Variants in AGPAT3 observed in about 807,000 individuals in gnomAD.
AGPAT3 encodes 1-acyl-sn-glycerol-3-phosphate acyltransferase gamma.
Under a neutral mutation model 47.3 loss-of-function variants are expected in AGPAT3, and 5 were observed. The observed-to-expected ratio is 0.11, with a 90% CI of 0.06 to 0.22. The LOEUF (loss-of-function observed/expected upper bound fraction) is 0.22. Among genes scored for constraint, AGPAT3 ranks in the 10% least tolerant of loss-of-function variants. The pLI is 1.00. For synonymous variants in AGPAT3, 212 were observed against 208.3 expected (o/e 1.02, Z -0.15); for missense variants, 315 against 493.0 (o/e 0.64, Z 3.42).
chr21:43,957,512 G>A (rs1187372657), intron 2 of AGPAT3, among the ~76,000 whole-genome samples: 2 of 139,846 alleles, frequency 1.4e-5, no homozygotes, highest in South Asian at 4.7e-4. Flanking sequence ...CACACGGGGG[G>A]TCTCGGGTTT....
At chr21:43,919,327 C>G (rs1187237085) in intron 2 of AGPAT3, among the ~76,000 whole-genome samples, 2 of 152,164 alleles carry the variant, frequency 1.3e-5, no homozygotes, top group Non-Finnish European at 2.9e-5. Context: ...CCCAATTTCC[C>G]TGTCCATTAT....
At chr21:43,884,437 C>T (rs150337530) in intron 1 of AGPAT3, among the ~76,000 whole-genome samples, 6 of 152,296 alleles carry the variant, frequency 3.9e-5, no homozygotes, top group African/African-American at 1.4e-4. Flanking sequence ...GGAGCATGGC[C>T]CTTTCCTAAT....
At chr21:43,917,795 T>TGTTGTGGGG (rs1472679998) in intron 2 of AGPAT3, among the ~76,000 whole-genome samples, 19 of 128,526 alleles carry the variant, frequency 1.5e-4, no homozygotes, top group African/African-American at 6.4e-4. Context: ...GTATTGTGGG[T>TGTTGTGGGG]ATTGTGGGGG....
intron 7 of AGPAT3, 82 bp from the exon 8 acceptor site, chr21:43,977,964 C>A: frequency 8.7e-7 from 1 of 1,148,032 alleles, no homozygotes; most frequent in Non-Finnish European, 1.3e-6. Flanking sequence ...CACCCTGGCA[C>A]ACGACATGTT....
rs572474972 is a variant in AGPAT3, at chr21:43,887,576, G to A, written c.-111-16381G>A. Among the ~76,000 whole-genome samples, 11 of 152,344 alleles carry A rather than the reference G, an allele frequency of 7.2e-5. 1 individual carries two copies. In the East Asian group the frequency reaches 9.6e-4, roughly 13 times the overall value. ...GCTCAGGTGGTTGAGGAATAAAAGC[G>A]TGCGCACACGCACACACACACACAC... On this transcript the variant is annotated intron_variant, in intron 1 of 9. Coordinates refer to ENST00000291572, the MANE Select transcript of AGPAT3 (RefSeq NM_020132.5).
intron 2 of AGPAT3, among the ~76,000 whole-genome samples, chr21:43,931,928 T>C (rs1157034487): frequency 1.5e-3 from 30 of 20,398 alleles, no homozygotes; most frequent in African/African-American, 2.7e-3. Flanking sequence ...ATCTCGTGTG[T>C]GTGTGTGTGT....
At chr21:43,902,391 T>C (rs1156786750) in intron 1 of AGPAT3, among the ~76,000 whole-genome samples, 1 of 152,222 alleles carries the variant, frequency 6.6e-6, no homozygotes, top group Admixed American at 6.5e-5. Context: ...GGGGAAAATA[T>C]GCGATATATA....
chr21:43,887,655 T>A (rs2086011099), intron 1 of AGPAT3, among the ~76,000 whole-genome samples: 1 of 152,200 alleles, frequency 6.6e-6, no homozygotes, highest in Admixed American at 6.5e-5. Flanking sequence ...ATACAGAGTT[T>A]ATTTATTTAT....
intron 2 of AGPAT3, among the ~76,000 whole-genome samples, chr21:43,949,813 A>G (rs773061730): frequency 4.6e-5 from 7 of 152,140 alleles, no homozygotes; most frequent in Non-Finnish European, 7.4e-5. Context: ...CTCTCCTTCA[A>G]GACACCTTCT....
At chr21:43,941,808 T>C (rs900145266) in intron 2 of AGPAT3, among the ~76,000 whole-genome samples, 1 of 152,248 alleles carries the variant, frequency 6.6e-6, no homozygotes, top group Non-Finnish European at 1.5e-5. Flanking sequence ...GGGTATCAAA[T>C]CATTTCCTGG....
chr21:43,930,237 C>T lies in AGPAT3; in HGVS notation c.-49+26218C>T, dbSNP rs2087194432. On this transcript the variant is annotated intron_variant, in intron 2 of 9. Coordinates refer to ENST00000291572, the MANE Select transcript of AGPAT3 (RefSeq NM_020132.5). The surrounding 1 kb of genome is among the most constrained non-coding windows in gnomAD (Gnocchi z 5.0). ...CCGGGGACACAGTTGTGGGAGGTCT[C>T]AGGGCAGAGACGCCGCACGGTGGGG... Among the ~76,000 whole-genome samples the T allele has an allele frequency of 1.3e-5, 2 of 152,174 alleles. No individual in the cohort carries two copies. The highest frequency in any genetic ancestry group is 4.8e-5 in the African/African-American group (2 of 41,432).
chr21:43,960,598 C>A, intron 3 of AGPAT3: 1 of 213,766 alleles, frequency 4.7e-6, no homozygotes, highest in Non-Finnish European at 8.0e-6. Context: ...CTCATTTTAT[C>A]ACAGGTATTC....
At chr21:43,874,736 G>A (rs2085696912) in intron 1 of AGPAT3, among the ~76,000 whole-genome samples, 1 of 152,104 alleles carries the variant, frequency 6.6e-6, no homozygotes, top group Admixed American at 6.6e-5. Flanking sequence ...GGTCTTTCTA[G>A]CATGGATTTC....
At chr21:43,953,232 A>G (rs944082240) in intron 2 of AGPAT3, among the ~76,000 whole-genome samples, 2 of 152,172 alleles carry the variant, frequency 1.3e-5, no homozygotes, top group Admixed American at 1.3e-4. Context: ...ATCCAAATGC[A>G]TGTGTGTCCT....
chr21:43,960,007 G>A, intron 3 of AGPAT3, 148 bp downstream of exon 3: 1 of 827,154 alleles, frequency 1.2e-6, no homozygotes, highest in East Asian at 2.7e-5. Context: ...CTGTCGGAAG[G>A]CACCTGGCTA....
At chr21:43,894,820 A>G (rs1754583719) in intron 1 of AGPAT3, among the ~76,000 whole-genome samples, 1 of 152,174 alleles carries the variant, frequency 6.6e-6, no homozygotes, top group African/African-American at 2.4e-5. Context: ...TTCCTATGAA[A>G]AGGCATCAGT....
intron 2 of AGPAT3, among the ~76,000 whole-genome samples, chr21:43,923,984 T>G (rs557672627): frequency 5.9e-5 from 9 of 152,142 alleles, no homozygotes; most frequent in Non-Finnish European, 1.2e-4. Context: ...GGAGTAACAG[T>G]AGATGCTCCC....
Position 43,919,391 on chromosome 21 carries a change from C to T in AGPAT3, c.-49+15372C>T, listed in dbSNP as rs947331191. Among the ~76,000 whole-genome samples the T allele has an allele frequency of 6.6e-5, 10 of 152,158 alleles. No homozygotes were observed. The East Asian group carries it at 1.2e-3, about 18-fold the overall frequency. On this transcript the variant is annotated intron_variant, in intron 2 of 9. Coordinates refer to ENST00000291572, the MANE Select transcript of AGPAT3 (RefSeq NM_020132.5). The stretch of plus-strand genomic sequence containing the variant: ...CTTAGCTCCCACTTATAAGTGAGAA[C>T]AGTTTTTGGTTTTCCGTTCCTGAGT...
At chr21:43,896,203 C>T (rs1165117360) in intron 1 of AGPAT3, among the ~76,000 whole-genome samples, 2 of 152,234 alleles carry the variant, frequency 1.3e-5, no homozygotes, top group Non-Finnish European at 2.9e-5. Context: ...CACGCCTGGC[C>T]GTGATAACTG....
Sources: allele counts gnomAD v4.1 joint callset (sites outside exome capture counted in the v4.1 genomes callset), GRCh38; gene constraint gnomAD v4.1.1; non-coding constraint Gnocchi (gnomAD v3.1); transcripts MANE v1.5; gene names NCBI Gene and HGNC (gene_info 2026-07-23, HGNC 2026-07-21).